GJE1: variants seen among roughly 807,000 people sequenced by gnomAD.
The protein encoded by GJE1 is gap junction epsilon-1 protein.
A neutral mutation model predicts 6.2 loss-of-function variants in GJE1; 9 were observed. The ratio of observed to expected loss-of-function variants is 1.45; its 90% CI spans 0.87 to 2.52. The LOEUF is 2.52. GJE1 is among the 30% of genes most tolerant of loss of function. The pLI is 0.00. For synonymous variants in GJE1, 65 were observed against 30.1 expected, an observed-to-expected ratio of 2.16 and a Z score of -3.80; for missense variants, 190 against 87.7, an observed-to-expected ratio of 2.17 and a Z score of -4.66.
chr6:142,134,813 C>T (rs746008430), exon 3 of GJE1: 1 of 673,586 alleles, frequency 1.5e-6, no homozygotes, highest in African/African-American at 1.8e-5. Context: ...TTTGAAAAAA[C>T]CATTTTTCTC....
chr6:142,133,735 T>C, intron 1 of GJE1, 115 bp from the exon 2 acceptor site: 1 of 521,886 alleles, frequency 1.9e-6, no homozygotes, highest in Non-Finnish European at 3.4e-6. Context: ...AGGGTCTATT[T>C]GGCTTCAAAA....
chr6:142,135,354 T>G (rs1778233359), downstream of GJE1, among the ~76,000 whole-genome samples: 2 of 152,156 alleles, frequency 1.3e-5, no homozygotes, highest in African/African-American at 4.8e-5. Flanking sequence ...GTGTAATTAT[T>G]TTGCATTCAT....
downstream of GJE1, among the ~76,000 whole-genome samples, chr6:142,135,327 C>T (rs1778232984): frequency 6.6e-6 from 1 of 151,926 alleles, no homozygotes; most frequent in Non-Finnish European, 1.5e-5. Flanking sequence ...TGGAACTATA[C>T]AGTTTTAAAT....
intron 2 of GJE1, 102 bp downstream of exon 2, chr6:142,134,146 G>A: frequency 2.0e-6 from 1 of 495,910 alleles, no homozygotes; most frequent in Non-Finnish European, 3.6e-6. Context: ...TTGTTCCTAA[G>A]GATTATGTTA....
upstream of GJE1, among the ~76,000 whole-genome samples, chr6:142,132,937 T>G (rs1429734964): frequency 6.6e-6 from 1 of 152,120 alleles, no homozygotes; most frequent in East Asian, 1.9e-4. Context: ...CTCTCTGCTT[T>G]TGTTTCTTTG....
chr6:142,134,463 T>G (rs552136495), intron 2 of GJE1, 76 bp from the exon 3 acceptor site: 2 of 457,838 alleles, frequency 4.4e-6, no homozygotes, highest in African/African-American at 2.0e-5. Flanking sequence ...GTTAGTGGGG[T>G]TTTTTTAGTG....
In GJE1 at chr6:142,135,068, T is replaced by G. The variant is rs980018001; in HGVS notation, c.*146T>G. The G allele has an allele frequency of 7.7e-6, 3 of 390,606 alleles. No individual in the cohort carries two copies. The East Asian group carries it at 1.1e-4, about 15-fold the overall frequency. The allele number at this position is 390,606 out of a possible 1,614,324, so 24.2% of individuals were successfully genotyped here. ...TAAAATATAGTGCCTGGTTGTAAGG[T>G]AAGGATTCTTGAAGAAATATTTCAT... On this transcript the variant is annotated 3_prime_UTR_variant, in exon 3 of 3. Coordinates refer to ENST00000450456, the Ensembl canonical transcript of GJE1.
At chr6:142,134,491 G>A (rs1778210013) in intron 2 of GJE1, 48 bp from the exon 3 acceptor site, 1 of 477,078 alleles carries the variant, frequency 2.1e-6, no homozygotes, top group Non-Finnish European at 3.7e-6. Context: ...GTTACATATT[G>A]ATTAATTGAT....
In GJE1 at chr6:142,134,520, C is replaced by G; in HGVS notation, c.235-19C>G. 1 of 485,018 alleles carries G rather than the reference C, an allele frequency of 2.1e-6. No homozygotes were observed. The highest frequency in any genetic ancestry group is 3.6e-6 in the Non-Finnish European group (1 of 275,198). 30.0% of individuals were successfully genotyped at this position (485,018 alleles called of 1,614,324 possible). On this transcript the variant is annotated intron_variant, in intron 2 of 2. Coordinates refer to ENST00000450456, the Ensembl canonical transcript of GJE1. ...AATTGATTTACTAAGATATTTCTGA[C>G]ATACTTTAGGTGTTCTAGGCATTAC...
chr6:142,134,921 G>A (rs1360554768), exon 3 of GJE1: 11 of 549,802 alleles, frequency 2.0e-5, no homozygotes, highest in Non-Finnish European at 3.2e-5. Flanking sequence ...TTCAGACAAT[G>A]ACCAAATAAT....
At chr6:142,134,165 T>C (rs1037941623) in intron 2 of GJE1, 121 bp downstream of exon 2, 6 of 499,522 alleles carry the variant, frequency 1.2e-5, no homozygotes, top group African/African-American at 1.2e-4. Context: ...TACTTTTTCT[T>C]TAATTAGCTG....
rs546635530 is a variant in GJE1, at chr6:142,133,704, T to C, written c.40-146T>C. On this transcript the variant is annotated intron_variant, in intron 1 of 2. Coordinates refer to ENST00000450456, the Ensembl canonical transcript of GJE1. ...GAGAAATCTCATAATGCAGGAATTATATTTGATTTGATGATCTCTAAGGGT... is the reference window on the plus strand; with the variant it reads ...GAGAAATCTCATAATGCAGGAATTACATTTGATTTGATGATCTCTAAGGGT... The C allele has an allele frequency of 1.3e-3, 610 of 466,494 alleles. 1 individual carries two copies. Among genetic ancestry groups the C allele is most frequent in the African/African-American group, 0.011 (558 of 51,250 alleles). 28.9% of individuals were successfully genotyped at this position (466,494 alleles called of 1,614,324 possible). A position where few individuals can be genotyped will look rare whatever the true frequency, so the allele number is the denominator to read the frequency against.
exon 3 of GJE1, chr6:142,134,662 G>C (rs1277489820): frequency 1.3e-5 from 9 of 695,184 alleles, no homozygotes; most frequent in Admixed American, 6.3e-5. Flanking sequence ...TATACTCTCT[G>C]TTTTATTAAG....
At chr6:142,133,399 T>C (rs925133092) in intron 1 of GJE1, among the ~76,000 whole-genome samples, 1 of 152,160 alleles carries the variant, frequency 6.6e-6, no homozygotes, top group Non-Finnish European at 1.5e-5. Context: ...TGTTTTAGTG[T>C]GGCTCACTCT....
chr6:142,133,073 G>C (rs1483500129), upstream of GJE1: 3 of 583,914 alleles, frequency 5.1e-6, no homozygotes, highest in Non-Finnish European at 9.3e-6. Flanking sequence ...CTGAGAGAAT[G>C]TAAGAGTTTG....
chr6:142,134,059 A>T lies in GJE1; in HGVS notation c.234+15A>T, dbSNP rs759681564. 3.7e-5 allele frequency: 24 copies of T among 653,968 alleles called. No homozygotes were observed. Among genetic ancestry groups the T allele is most frequent in the Non-Finnish European group, 5.7e-6 (2 of 352,896 alleles). The allele number at this position is 653,968 out of a possible 1,614,324, so 40.5% of individuals were successfully genotyped here. A position where few individuals can be genotyped will look rare whatever the true frequency, so the allele number is the denominator to read the frequency against. On this transcript the variant is annotated intron_variant, in intron 2 of 2. Transcript: ENST00000450456. ...TAAGTTTTTCTGTGTGCACATAAACATTAACTCTACAACAAACTCATTTTC... is the reference window on the plus strand; with the variant it reads ...TAAGTTTTTCTGTGTGCACATAAACTTTAACTCTACAACAAACTCATTTTC...
exon 3 of GJE1, chr6:142,134,823 C>T: frequency 1.5e-6 from 1 of 671,232 alleles, no homozygotes; most frequent in East Asian, 2.7e-5. Flanking sequence ...CCATTTTTCT[C>T]ATTGCAATAA....
At position 142,133,843 on chromosome 6, in the gene GJE1, A is replaced by G. The variant is rs1465202195; in HGVS notation, c.40-7A>G. 1.8e-5 allele frequency: 12 copies of G among 660,452 alleles called. No individual in the cohort carries two copies. The highest frequency in any genetic ancestry group is 9.7e-5 in the South Asian group (6 of 61,594). 40.9% of individuals were successfully genotyped at this position (660,452 alleles called of 1,614,324 possible). On this transcript the variant is annotated splice_region_variant and splice_polypyrimidine_tract_variant and intron_variant, in intron 1 of 2. Coordinates refer to ENST00000450456, the Ensembl canonical transcript of GJE1. Reference sequence around the variant, plus strand: ...AAAAGATTTTTTTTCTCCTAAAACCATAACAGGTTAAACCTCCAACTGTGA... The same window carrying G: ...AAAAGATTTTTTTTCTCCTAAAACCGTAACAGGTTAAACCTCCAACTGTGA...
exon 2 of GJE1, chr6:142,133,970 G>A (rs557709712): frequency 4.8e-5 from 34 of 702,442 alleles, no homozygotes; most frequent in African/African-American, 2.4e-4. Flanking sequence ...CTTCATTTGC[G>A]ATCCAGACAA....
Sources: allele counts gnomAD v4.1 joint callset (sites outside exome capture counted in the v4.1 genomes callset), GRCh38; gene constraint gnomAD v4.1.1; transcripts MANE v1.5; gene names NCBI Gene and HGNC (gene_info 2026-07-23, HGNC 2026-07-21).